Variants in HECW2 observed in about 807,000 individuals in gnomAD.
HECW2 encodes E3 ubiquitin-protein ligase HECW2.
A neutral mutation model predicts 175.2 loss-of-function variants in HECW2; 61 were observed. The observed-to-expected ratio is 0.35, with a 90% CI of 0.28 to 0.43. The LOEUF (loss-of-function observed/expected upper bound fraction) is 0.43, where lower values mean the gene tolerates loss of function less well. Among genes scored for constraint, HECW2 ranks in the 20% least tolerant of loss-of-function variants. HECW2 has a pLI of 1.00. For missense variants in HECW2, 1,524 were observed against 2,000.5 expected (o/e 0.76, Z 4.54); for synonymous variants, 671 against 731.0 (o/e 0.92, Z 1.32).
chr2:196,358,761 C>T (rs1439403806), intron 2 of HECW2, among the ~76,000 whole-genome samples: 1 of 151,960 alleles, frequency 6.6e-6, no homozygotes, highest in African/African-American at 2.4e-5. Flanking sequence ...TAAATTAAAA[C>T]AAAGGCATGC....
At chr2:196,430,324 C>A (rs1468268234) in intron 2 of HECW2, among the ~76,000 whole-genome samples, 1 of 152,060 alleles carries the variant, frequency 6.6e-6, no homozygotes, top group Non-Finnish European at 1.5e-5. Context: ...CACTGTTATT[C>A]CACAGAATTC....
intron 1 of HECW2, among the ~76,000 whole-genome samples, chr2:196,450,299 C>A (rs1407973426): frequency 6.6e-6 from 1 of 152,012 alleles, no homozygotes; most frequent in Non-Finnish European, 1.5e-5. Context: ...CGGTGCTTAG[C>A]CAGAGAGTGG....
intron 1 of HECW2, among the ~76,000 whole-genome samples, chr2:196,536,706 T>C (rs529881354): frequency 6.6e-6 from 1 of 152,296 alleles, no homozygotes; most frequent in South Asian, 2.1e-4. Flanking sequence ...GAGCACATAA[T>C]CCAACTCTCT....
chr2:196,410,106 G>T (rs1444351803), intron 2 of HECW2, among the ~76,000 whole-genome samples: 1 of 152,192 alleles, frequency 6.6e-6, no homozygotes, highest in East Asian at 1.9e-4. Context: ...ATCCTATCAT[G>T]TAGGATGGCA....
At chr2:196,569,376 A>AAACTAAACTAAAC (rs1559180288) in intron 1 of HECW2, among the ~76,000 whole-genome samples, 23 of 87,326 alleles carry the variant, frequency 2.6e-4, no homozygotes, top group African/African-American at 1.5e-3. Flanking sequence ...CTAAACTAAA[A>AAACTAAACTAAAC]TAAAATAAAA....
Position 196,584,272 on chromosome 2 carries a change from G to T in HECW2, c.-36+9236C>A, listed in dbSNP as rs1241282701. On this transcript the variant is annotated intron_variant, in intron 1 of 28. Coordinates refer to ENST00000644978, the MANE Select transcript of HECW2 (RefSeq NM_001348768.2). Reference sequence around the variant, plus strand: ...GTGGAGATGAGTCTAGGGTATTTATGGGACAGGAAGAAGACCTGTCTAATT... The same window carrying T: ...GTGGAGATGAGTCTAGGGTATTTATTGGACAGGAAGAAGACCTGTCTAATT... 2.6e-5 allele frequency among the ~76,000 whole-genome samples: 4 copies of T among 152,244 alleles called. No homozygotes were observed. In the East Asian group the frequency reaches 7.7e-4, roughly 29 times the overall value.
At position 196,271,250 on chromosome 2, in the gene HECW2, T is replaced by C. The variant is rs924608506; in HGVS notation, c.3278A>G (p.Asn1093Ser). Residue 1093 changes from asparagine (N) to serine (S), a missense_variant, in exon 17 of 29, where the codon AAT becomes AGT. Coordinates refer to ENST00000644978, the MANE Select transcript of HECW2 (RefSeq NM_001348768.2). Reference sequence around the variant, plus strand: ...ACGCTCCTGTAGAATTTCAAAGATATTGGGTTGACGTAGAAATGCAACAAT... The same window carrying C: ...ACGCTCCTGTAGAATTTCAAAGATACTGGGTTGACGTAGAAATGCAACAAT... ...DKIVAFLRQP[N>S]IFEILQERQP... The C allele has an allele frequency of 1.2e-6, 2 of 1,612,052 alleles. No individual in the cohort carries two copies. The highest frequency in any genetic ancestry group is 8.5e-7 in the Non-Finnish European group (1 of 1,178,166).
chr2:196,257,900 C>A lies in HECW2; in HGVS notation c.3342G>T (p.Lys1114Asn), dbSNP rs752382911. The A allele has an allele frequency of 6.2e-7, 1 of 1,613,010 alleles. No individual in the cohort carries two copies. The highest frequency in any genetic ancestry group is 8.5e-7 in the Non-Finnish European group (1 of 1,179,018). Reference sequence around the variant, plus strand: ...TCCCTTCAGTTCGGATAAATTGGATCTTCTCCCTAATCAAGAAAAGAAACA... The same window carrying A: ...TCCCTTCAGTTCGGATAAATTGGATATTCTCCCTAATCAAGAAAAGAAACA... ...DLTRNHSLRE[K>N]IQFIRTEGTP... The change falls in exon 18 of 29, where the codon AAG (lysine) becomes AAT (asparagine). Residue 1114 changes from lysine (K) to asparagine (N), a missense_variant. Lys to Asn is a moderately conservative substitution (Grantham distance 94). This residue lies in a region of HECW2 where 291 missense variants were observed against 412.2 expected (regional missense o/e 0.71). Coordinates refer to ENST00000644978, the MANE Select transcript of HECW2 (RefSeq NM_001348768.2).
At chr2:196,406,311 G>C (rs544075086) in intron 2 of HECW2, among the ~76,000 whole-genome samples, 1 of 152,070 alleles carries the variant, frequency 6.6e-6, no homozygotes, top group East Asian at 1.9e-4. Context: ...TCCTACTCTG[G>C]CCAACAATCA....
chr2:196,466,269 C>T (rs761151800), intron 1 of HECW2, among the ~76,000 whole-genome samples: 19 of 152,178 alleles, frequency 1.2e-4, no homozygotes, highest in Non-Finnish European at 2.6e-4. Flanking sequence ...CTAGAGCTGG[C>T]TTCCCCATCC....
At chr2:196,236,226 G>A (rs60259500) in intron 21 of HECW2, among the ~76,000 whole-genome samples, 3 of 152,042 alleles carry the variant, frequency 2.0e-5, no homozygotes, top group African/African-American at 7.3e-5. Flanking sequence ...TGCAGACAGA[G>A]GCATATACAT....
At chr2:196,427,481 C>A (rs1259055487) in intron 2 of HECW2, among the ~76,000 whole-genome samples, 1 of 152,050 alleles carries the variant, frequency 6.6e-6, no homozygotes, top group Non-Finnish European at 1.5e-5. Context: ...GATAGTGAGC[C>A]TGAAACAAAT....
intron 2 of HECW2, among the ~76,000 whole-genome samples, chr2:196,381,433 T>A (rs1694204344): frequency 6.6e-6 from 1 of 152,164 alleles, no homozygotes; most frequent in Non-Finnish European, 1.5e-5. Context: ...AAAATCAATG[T>A]CCATATAAAA....
At chr2:196,346,076 C>A (rs1223803766) in intron 2 of HECW2, among the ~76,000 whole-genome samples, 1 of 152,188 alleles carries the variant, frequency 6.6e-6, no homozygotes, top group Non-Finnish European at 1.5e-5. Flanking sequence ...CCTCTTGAGG[C>A]CTCAGAAAAG....
At chr2:196,554,449 T>C (rs1432210427) in intron 1 of HECW2, among the ~76,000 whole-genome samples, 1 of 152,206 alleles carries the variant, frequency 6.6e-6, no homozygotes, top group Non-Finnish European at 1.5e-5. Context: ...CAATGACCTA[T>C]GAAAAAACTG....
intron 2 of HECW2, among the ~76,000 whole-genome samples, chr2:196,417,066 G>A (rs929089982): frequency 2.0e-5 from 3 of 152,168 alleles, no homozygotes; most frequent in African/African-American, 7.2e-5. Flanking sequence ...TGAGCAACCA[G>A]GTACACATTA....
chr2:196,332,429 G>A (rs923469940), intron 4 of HECW2, among the ~76,000 whole-genome samples: 2 of 152,084 alleles, frequency 1.3e-5, no homozygotes, highest in African/African-American at 4.8e-5. Flanking sequence ...GTCAGAAATC[G>A]ATTAAAGACC....
chr2:196,297,069 T>C (rs764386676), intron 13 of HECW2, among the ~76,000 whole-genome samples: 1 of 152,188 alleles, frequency 6.6e-6, no homozygotes, highest in Non-Finnish European at 1.5e-5. Context: ...TTTCATAACA[T>C]AGTCTCATGA....
intron 1 of HECW2, among the ~76,000 whole-genome samples, chr2:196,555,469 T>C (rs1689761993): frequency 6.6e-6 from 1 of 152,174 alleles, no homozygotes; most frequent in South Asian, 2.1e-4. Flanking sequence ...GATTTCAACA[T>C]ACGAATTGGT....
Sources: allele counts gnomAD v4.1 joint callset (sites outside exome capture counted in the v4.1 genomes callset), GRCh38; gene constraint gnomAD v4.1.1; regional missense constraint gnomAD v4.1.1; transcripts MANE v1.5; gene names NCBI Gene and HGNC (gene_info 2026-07-23, HGNC 2026-07-21).